The following ADAMTS6 variants were observed in gnomAD, a reference collection of about 807,000 sequenced individuals.
ADAMTS6 encodes the protein ADAM metallopeptidase with thrombospondin type 1 motif 6, also known as A disintegrin and metalloproteinase with thrombospondin motifs 6.
ADAMTS6 carries 23 observed loss-of-function variants against 144.3 expected under a neutral mutation model. That is an observed-to-expected ratio of 0.16 (90% CI 0.11 to 0.23). The LOEUF (loss-of-function observed/expected upper bound fraction) is 0.23, where lower values mean the gene tolerates loss of function less well. Among genes scored for constraint, ADAMTS6 ranks in the 10% least tolerant of loss-of-function variants. ADAMTS6 has a pLI of 1.00. For missense variants in ADAMTS6, 999 were observed against 1,379.6 expected, an observed-to-expected ratio of 0.72 and a Z score of 4.37; for synonymous variants, 444 against 457.5, an observed-to-expected ratio of 0.97 and a Z score of 0.38.
chr5:65,200,124 A>G (rs960697083), intron 20 of ADAMTS6, among the ~76,000 whole-genome samples: 1 of 152,130 alleles, frequency 6.6e-6, no homozygotes, highest in African/African-American at 2.4e-5. Flanking sequence ...AAATCTTCCT[A>G]CAACACTGTA....
intron 7 of ADAMTS6, among the ~76,000 whole-genome samples, chr5:65,443,279 A>G (rs1758006797): frequency 6.6e-6 from 1 of 152,214 alleles, no homozygotes; most frequent in Admixed American, 6.5e-5. Context: ...TAACTACATT[A>G]AAAGAATAAT....
chr5:65,396,246 C>A (rs1026624103), intron 7 of ADAMTS6, among the ~76,000 whole-genome samples: 5 of 152,144 alleles, frequency 3.3e-5, no homozygotes, highest in Admixed American at 2.6e-4. Context: ...CAAAGGATAT[C>A]ATTTCTTGTT....
intron 22 of ADAMTS6, among the ~76,000 whole-genome samples, chr5:65,181,800 G>A (rs536932311): frequency 2.1e-4 from 32 of 152,280 alleles, no homozygotes; most frequent in African/African-American, 6.3e-4. Flanking sequence ...GGATGTATAC[G>A]GAACTCAGTT....
At chr5:65,387,793 T>C (rs1056305034) in intron 7 of ADAMTS6, among the ~76,000 whole-genome samples, 1 of 152,186 alleles carries the variant, frequency 6.6e-6, no homozygotes, top group African/African-American at 2.4e-5. Flanking sequence ...GATTACTATA[T>C]ACTACCACAA....
chr5:65,434,179 T>C (rs1757208735), intron 7 of ADAMTS6, among the ~76,000 whole-genome samples: 1 of 152,234 alleles, frequency 6.6e-6, no homozygotes, highest in Admixed American at 6.5e-5. Flanking sequence ...TCCATTTATA[T>C]GAAATGTCCA....
intron 7 of ADAMTS6, among the ~76,000 whole-genome samples, chr5:65,418,745 A>G (rs1424931090): frequency 6.6e-6 from 1 of 152,226 alleles, no homozygotes; most frequent in Non-Finnish European, 1.5e-5. Flanking sequence ...AAAAACATGA[A>G]CAGACACTTC....
At chr5:65,463,546 A>G (rs1261504745) in intron 3 of ADAMTS6, among the ~76,000 whole-genome samples, 1 of 152,100 alleles carries the variant, frequency 6.6e-6, no homozygotes, top group Non-Finnish European at 1.5e-5. Flanking sequence ...TCACCTTTAC[A>G]CTATCTGCCT....
chr5:65,301,294 T>G (rs1315789432), intron 9 of ADAMTS6, among the ~76,000 whole-genome samples: 3 of 152,222 alleles, frequency 2.0e-5, no homozygotes, highest in African/African-American at 7.2e-5. Context: ...AAGTTTTGGT[T>G]GAATATTACT....
Position 65,214,988 on chromosome 5 carries a change from A to G in ADAMTS6, c.2437-56T>C, listed in dbSNP as rs1412709250. 5.2e-6 allele frequency: 8 copies of G among 1,550,048 alleles called. No individual in the cohort carries two copies. The highest frequency in any genetic ancestry group is 1.4e-5 in the African/African-American group (1 of 72,506). On this transcript the variant is annotated intron_variant, in intron 19 of 24. Coordinates refer to ENST00000381055, the MANE Select transcript of ADAMTS6 (RefSeq NM_197941.4). The surrounding 1 kb of genome is among the most constrained non-coding windows in gnomAD (Gnocchi z 4.6). ...TAAAATACAATGAGCCTTCATTCAG[A>G]TATTTATTATTCCTTTTGAAGAAGA... is the stretch of plus-strand genomic sequence containing the variant.
In ADAMTS6 at chr5:65,275,411, GAAA is replaced by G. The variant is rs1424837267; in HGVS notation, c.1513-1967_1513-1965del. On this transcript the variant is annotated intron_variant, in intron 11 of 24. Transcript: ENST00000381055. ...AGAAAGAAAGAAAGAAAGAAAGAAA[GAAA>G]GAAAAGAAAGAAAGAAAGAAAAGAA... Among the ~76,000 whole-genome samples, 535 of 125,950 alleles carry G rather than the reference GAAA, an allele frequency of 4.2e-3. 4 individuals are homozygous for G. The highest frequency in any genetic ancestry group is 0.016 in the African/African-American group (508 of 32,090). 82.6% of individuals were successfully genotyped at this position (125,950 alleles called of 152,430 possible).
chr5:65,237,756 T>C (rs1384837606), intron 15 of ADAMTS6, among the ~76,000 whole-genome samples: 1 of 152,028 alleles, frequency 6.6e-6, no homozygotes, highest in Non-Finnish European at 1.5e-5. Flanking sequence ...CATAAAAAAA[T>C]ACATCATGAT....
rs1742182663 is a variant in ADAMTS6, at chr5:65,290,396, C to T, written c.1512+933G>A. On this transcript the variant is annotated intron_variant, in intron 11 of 24. Transcript: ENST00000381055. Reference sequence around the variant, plus strand: ...CAAAACCCCGTCTCTACTAAAAATACAAAAATCAGCCGGGCATGATGGTGC... The same window carrying T: ...CAAAACCCCGTCTCTACTAAAAATATAAAAATCAGCCGGGCATGATGGTGC... Among the ~76,000 whole-genome samples the T allele has an allele frequency of 2.6e-5, 4 of 152,122 alleles. 1 individual carries two copies. Among genetic ancestry groups the T allele is most frequent in the Middle Eastern group, 6.8e-3 (2 of 294 alleles).
intron 11 of ADAMTS6, among the ~76,000 whole-genome samples, chr5:65,286,979 C>G (rs1452044954): frequency 6.6e-6 from 1 of 152,184 alleles, no homozygotes; most frequent in African/African-American, 2.4e-5. Flanking sequence ...GAGCTTATTA[C>G]TCTAAAAAGC....
intron 7 of ADAMTS6, among the ~76,000 whole-genome samples, chr5:65,408,293 G>T (rs1340618955): frequency 6.6e-6 from 1 of 152,112 alleles, no homozygotes. Flanking sequence ...AAAATAAAGG[G>T]ATGGAGGAAG....
intron 7 of ADAMTS6, among the ~76,000 whole-genome samples, chr5:65,401,339 G>GTTAGGCTCTGATCAAACCCCACAGA (rs565458610): frequency 1.8e-3 from 279 of 152,226 alleles, no homozygotes; most frequent in African/African-American, 6.3e-3. Flanking sequence ...TCCCAGATCA[G>GTTAGGCTCTGATCAAACCCCACAGA]TTAGGCTCTG....
At chr5:65,454,346 C>A (rs1013561877) in intron 4 of ADAMTS6, among the ~76,000 whole-genome samples, 2 of 152,258 alleles carry the variant, frequency 1.3e-5, no homozygotes, top group Middle Eastern at 3.4e-3. Context: ...GATCATGAGA[C>A]CCATCAGTTA....
At chr5:65,248,306 T>C (rs1247636522) in intron 14 of ADAMTS6, among the ~76,000 whole-genome samples, 1 of 152,148 alleles carries the variant, frequency 6.6e-6, no homozygotes, top group African/African-American at 2.4e-5. Flanking sequence ...TTTCACTATA[T>C]ATTTACTTTT....
Position 65,333,997 on chromosome 5 carries a change from TAAAAAAAAAAAAAAAAAAAA to T in ADAMTS6, c.1117+25_1117+44del, listed in dbSNP as rs750637450. 3.6e-6 allele frequency: 3 copies of T among 842,422 alleles called. No homozygotes were observed. The South Asian group carries it at 9.6e-5, about 27-fold the overall frequency. The allele number at this position is 842,422 out of a possible 1,614,324, so 52.2% of individuals were successfully genotyped here. A position where few individuals can be genotyped will look rare whatever the true frequency, so the allele number is the denominator to read the frequency against. On this transcript the variant is annotated intron_variant, in intron 8 of 24. Transcript: ENST00000381055. The stretch of plus-strand genomic sequence containing the variant: ...ACAATCAGAACCATTCTACCTTTAT[TAAAAAAAAAAAAAAAAAAAA>T]AAAAAAAAACCAAAAAAAACTTACC...
intron 22 of ADAMTS6, among the ~76,000 whole-genome samples, chr5:65,181,483 T>C (rs1274810276): frequency 5.9e-5 from 9 of 152,226 alleles, no homozygotes; most frequent in Admixed American, 5.9e-4. Flanking sequence ...GAAAATATTT[T>C]CAAATATTAA....
Sources: allele counts gnomAD v4.1 joint callset (sites outside exome capture counted in the v4.1 genomes callset), GRCh38; gene constraint gnomAD v4.1.1; non-coding constraint Gnocchi (gnomAD v3.1); transcripts MANE v1.5; gene names NCBI Gene and HGNC (gene_info 2026-07-23, HGNC 2026-07-21).